KDM2B: variants seen among roughly 807,000 people sequenced by gnomAD.
The protein encoded by KDM2B is lysine-specific demethylase 2B.
Under a neutral mutation model 150.0 loss-of-function variants are expected in KDM2B, and 26 were observed. The observed-to-expected ratio is 0.17, with a 90% CI of 0.13 to 0.24. The LOEUF is 0.24. KDM2B is among the 10% of genes least tolerant of loss of function. The pLI is 1.00. For synonymous variants in KDM2B, 734 were observed against 729.5 expected (o/e 1.01, Z -0.10); for missense variants, 1,265 against 1,816.9 (o/e 0.70, Z 5.52).
intron 7 of KDM2B, 28 bp from the exon 8 acceptor site, chr12:121,532,987 G>A (rs1555308097): frequency 1.2e-6 from 2 of 1,613,258 alleles, no homozygotes; most frequent in African/African-American, 1.3e-5. Flanking sequence ...GCAGTCAGCT[G>A]GAGACCCAGG....
At chr12:121,461,164 T>C (rs1196011510) in intron 12 of KDM2B, among the ~76,000 whole-genome samples, 1 of 152,068 alleles carries the variant, frequency 6.6e-6, no homozygotes, top group Non-Finnish European at 1.5e-5. Flanking sequence ...AACAGGACCC[T>C]GCGTGCCAGG....
chr12:121,559,084 C>T (rs1890134797), intron 4 of KDM2B, among the ~76,000 whole-genome samples: 1 of 152,212 alleles, frequency 6.6e-6, no homozygotes, highest in Non-Finnish European at 1.5e-5. Flanking sequence ...CTGCTCCGCC[C>T]TCTGATGCAA....
At chr12:121,446,197 C>A (rs4980996) in intron 13 of KDM2B, among the ~76,000 whole-genome samples, 5 of 152,240 alleles carry the variant, frequency 3.3e-5, no homozygotes, top group South Asian at 2.1e-4. Flanking sequence ...AGATCGAGAC[C>A]ATCCCGGCTA....
chr12:121,480,589 A>G (rs1270373686), intron 12 of KDM2B, among the ~76,000 whole-genome samples: 1 of 138,264 alleles, frequency 7.2e-6, no homozygotes, highest in Non-Finnish European at 1.5e-5. Context: ...CTACCAAAAA[A>G]AAAAAAAAAA....
At chr12:121,578,160 T>C (rs1480602306) in intron 2 of KDM2B, among the ~76,000 whole-genome samples, 1 of 152,162 alleles carries the variant, frequency 6.6e-6, no homozygotes, top group Non-Finnish European at 1.5e-5. Context: ...CTTCAACCTA[T>C]CAAGGCTGTA....
the KDM2B span, among the ~76,000 whole-genome samples, chr12:121,414,458 G>C: frequency 6.6e-6 from 1 of 152,080 alleles, no homozygotes. Context: ...AAAGGAGACA[G>C]GTTACTCTGG....
At chr12:121,534,059 T>TA (rs1318850831) in intron 7 of KDM2B, among the ~76,000 whole-genome samples, 24 of 150,610 alleles carry the variant, frequency 1.6e-4, no homozygotes, top group East Asian at 1.2e-3. Context: ...AATAATTTTT[T>TA]AAAAAAAAAG....
At chr12:121,441,966 G>T (rs536736640) in intron 19 of KDM2B, among the ~76,000 whole-genome samples, 191 bp downstream of exon 19, 3 of 152,234 alleles carry the variant, frequency 2.0e-5, no homozygotes, top group Non-Finnish European at 4.4e-5. Flanking sequence ...AAGCTAAATC[G>T]GAATAAACGG....
At chr12:121,439,612 C>T (rs1874628665) in intron 22 of KDM2B, among the ~76,000 whole-genome samples, 1 of 152,072 alleles carries the variant, frequency 6.6e-6, no homozygotes. Flanking sequence ...GAACTCCTGT[C>T]CTTATGATCC....
intron 6 of KDM2B, among the ~76,000 whole-genome samples, chr12:121,548,590 A>G (rs1357078953): frequency 1.3e-5 from 2 of 152,178 alleles, no homozygotes; most frequent in African/African-American, 4.8e-5. Context: ...ACAGACACAC[A>G]CACCGATGCA....
chr12:121,579,664 A>AG (rs1555317562), intron 1 of KDM2B: 19 of 1,364,540 alleles, frequency 1.4e-5, no homozygotes, highest in Non-Finnish European at 1.7e-5. Context: ...CTTCCTAAGG[A>AG]GACTCCCCCA....
At chr12:121,515,776 A>C (rs1377976081) in intron 9 of KDM2B, among the ~76,000 whole-genome samples, 2 of 151,826 alleles carry the variant, frequency 1.3e-5, no homozygotes, top group African/African-American at 4.9e-5. Context: ...CTCCGCCTGC[A>C]CACTGGGTGC....
At chr12:121,414,668 C>G in the KDM2B span, among the ~76,000 whole-genome samples, 2 of 151,726 alleles carry the variant, frequency 1.3e-5, no homozygotes, top group African/African-American at 4.9e-5. Flanking sequence ...AAAATACTTT[C>G]CTGTTGTTGT....
rs1036853281 is a variant in KDM2B at position 121,429,861 on chromosome 12, A to G, written c.*427T>C. The G allele has an allele frequency of 5.3e-6, 3 of 561,326 alleles. No individual in the cohort carries two copies. The highest frequency in any genetic ancestry group is 2.8e-5 in the East Asian group (1 of 35,964). The allele number at this position is 561,326 out of a possible 1,614,324, so 34.8% of individuals were successfully genotyped here. A position where few individuals can be genotyped will look rare whatever the true frequency, so the allele number is the denominator to read the frequency against. Reference sequence around the variant, plus strand: ...TGTAACAAAACCAACCAAACAAAAAAAAGTGTCAAGACGGCAGCAGATGTG... The same window carrying G: ...TGTAACAAAACCAACCAAACAAAAAGAAGTGTCAAGACGGCAGCAGATGTG... On this transcript the variant is annotated 3_prime_UTR_variant, in exon 23 of 23. Coordinates refer to ENST00000377071, the MANE Select transcript of KDM2B (RefSeq NM_032590.5).
chr12:121,460,545 T>C (rs1326788106), intron 12 of KDM2B, among the ~76,000 whole-genome samples: 1 of 152,212 alleles, frequency 6.6e-6, no homozygotes, highest in Non-Finnish European at 1.5e-5. Flanking sequence ...GATACAGGCA[T>C]GTGCCACCAC....
Position 121,580,970 on chromosome 12 carries a change from G to C in KDM2B, c.-59C>G. Reference sequence around the variant, plus strand: ...TTAGCTCGGCTTCCATACCTATAAGGACTGCCTAACTTTTAAACTCCCGGC... The same window carrying C: ...TTAGCTCGGCTTCCATACCTATAAGCACTGCCTAACTTTTAAACTCCCGGC... On this transcript the variant is annotated 5_prime_UTR_variant, in exon 1 of 23. Transcript: ENST00000377071. 3.2e-6 allele frequency: 5 copies of C among 1,583,730 alleles called. No individual in the cohort carries two copies. Among genetic ancestry groups the C allele is most frequent in the Non-Finnish European group, 4.3e-6 (5 of 1,167,690 alleles).
intron 21 of KDM2B, 104 bp from the exon 22 acceptor site, chr12:121,440,179 G>C: frequency 1.3e-6 from 1 of 774,188 alleles, no homozygotes; most frequent in South Asian, 1.7e-5. Flanking sequence ...AGAACACTCA[G>C]ATTTCATTTA....
chr12:121,415,849 T>TA, the KDM2B span, among the ~76,000 whole-genome samples: 1 of 150,110 alleles, frequency 6.7e-6, no homozygotes, highest in East Asian at 1.9e-4. Flanking sequence ...TCTTTTTTTT[T>TA]TTTTTTTTTT....
intron 22 of KDM2B, among the ~76,000 whole-genome samples, chr12:121,437,536 C>T (rs1555287080): frequency 6.6e-6 from 1 of 151,608 alleles, no homozygotes; most frequent in African/African-American, 2.4e-5. Context: ...AGTATATGGG[C>T]TGCCAAAGCA....
Sources: gnomAD v4.1 joint callset for allele counts (sites outside exome capture counted in the v4.1 genomes callset) on GRCh38, gnomAD v4.1.1 for gene constraint, MANE v1.5 for transcripts, NCBI Gene and HGNC (gene_info 2026-07-23, HGNC 2026-07-21) for gene names.